SEZ6L: variants seen among roughly 807,000 people sequenced by gnomAD.
The protein encoded by SEZ6L is seizure related 6 homolog like, also known as seizure 6-like protein.
Under a neutral mutation model 106.2 loss-of-function variants are expected in SEZ6L, and 37 were observed. The observed-to-expected ratio is 0.35, with a 90% CI of 0.27 to 0.46. The LOEUF (loss-of-function observed/expected upper bound fraction) is 0.46, where lower values mean the gene tolerates loss of function less well. Ranked by LOEUF, SEZ6L falls within the 20% of genes least tolerant of loss-of-function variation. SEZ6L has a pLI of 1.00. For synonymous variants in SEZ6L, 541 were observed against 570.4 expected, an observed-to-expected ratio of 0.95 and a Z score of 0.73; for missense variants, 1,172 against 1,332.8, an observed-to-expected ratio of 0.88 and a Z score of 1.88.
chr22:26,369,869 A>G (rs1480629761), intron 13 of SEZ6L, among the ~76,000 whole-genome samples: 1 of 146,392 alleles, frequency 6.8e-6, no homozygotes. Flanking sequence ...TGTCCACCTC[A>G]GCCTCCCAAA....
chr22:26,174,117 C>G lies in SEZ6L; in HGVS notation c.94+4354C>G, dbSNP rs1292342129. On this transcript the variant is annotated intron_variant, in intron 1 of 16. Coordinates refer to ENST00000248933, the MANE Select transcript of SEZ6L (RefSeq NM_021115.5). ...AGAGACATCTGCAGGTAAACTACTACCATCCGTGCCATGTGGTAAGTTCTT... is the reference window on the plus strand; with the variant it reads ...AGAGACATCTGCAGGTAAACTACTAGCATCCGTGCCATGTGGTAAGTTCTT... 2.0e-5 allele frequency among the ~76,000 whole-genome samples: 3 copies of G among 152,160 alleles called. No individual in the cohort carries two copies. In the East Asian group the frequency reaches 5.8e-4, roughly 29 times the overall value.
intron 1 of SEZ6L, among the ~76,000 whole-genome samples, chr22:26,232,504 T>C (rs1452248134): frequency 6.6e-6 from 1 of 152,096 alleles, no homozygotes; most frequent in Non-Finnish European, 1.5e-5. Context: ...ATAACAACAT[T>C]TCAGTCAAGA....
chr22:26,192,293 C>T (rs1288618355), intron 1 of SEZ6L, among the ~76,000 whole-genome samples: 3 of 152,168 alleles, frequency 2.0e-5, no homozygotes, highest in African/African-American at 7.2e-5. Context: ...ATTTTAAGAC[C>T]TTGGTTTGAT....
rs532290863 is a variant in SEZ6L at position 26,232,986 on chromosome 22, G to A, written c.95-59420G>A. Among the ~76,000 whole-genome samples, 7 of 152,186 alleles carry A rather than the reference G, an allele frequency of 4.6e-5. No individual in the cohort carries two copies. In the South Asian group the frequency reaches 8.3e-4, roughly 18 times the overall value. On this transcript the variant is annotated intron_variant, in intron 1 of 16. Coordinates refer to ENST00000248933, the MANE Select transcript of SEZ6L (RefSeq NM_021115.5). ...CAGCTGTTAGACTCTGTCCTCCCCC[G>A]ACACACACACCCTTGTGTACTCAGC... is the stretch of plus-strand genomic sequence containing the variant.
chr22:26,370,092 A>G (rs2083975497), intron 13 of SEZ6L, among the ~76,000 whole-genome samples: 1 of 152,112 alleles, frequency 6.6e-6, no homozygotes, highest in Non-Finnish European at 1.5e-5. Context: ...TTTGTTTTTT[A>G]AGAAACCTTG....
rs1175508030 is a variant in SEZ6L, at chr22:26,292,572, G to T, written c.261G>T (p.Gly87=). The change falls in exon 2 of 17, where the codon GGG becomes GGT. Residue 87 remains glycine (G), a synonymous_variant. Transcript: ENST00000248933. ...AEVLGELVLD[G]TAPSAHHDIP... is the part of the protein sequence containing the mutation. ...TGCTGGGCGAGCTGGTGCTGGATGG[G>T]ACCGCACCCTCTGCACATCACGACA... 5 of 1,613,788 alleles carry T rather than the reference G, an allele frequency of 3.1e-6. No homozygotes were observed. Among genetic ancestry groups the T allele is most frequent in the Non-Finnish European group, 4.2e-6 (5 of 1,179,888 alleles).
chr22:26,347,972 T>A (rs1320212941), intron 11 of SEZ6L, 59 bp downstream of exon 11: 2 of 1,425,034 alleles, frequency 1.4e-6, no homozygotes, highest in Non-Finnish European at 1.9e-6. Context: ...CTTCTAGGGA[T>A]CTTTTTTTGG....
intron 1 of SEZ6L, among the ~76,000 whole-genome samples, chr22:26,184,388 C>T (rs1257490926): frequency 6.6e-6 from 1 of 152,162 alleles, no homozygotes; most frequent in East Asian, 1.9e-4. Flanking sequence ...AATGCTTCCA[C>T]GGCACCAGGC....
At chr22:26,363,792 C>G (rs536738892) in intron 12 of SEZ6L, among the ~76,000 whole-genome samples, 1 of 152,304 alleles carries the variant, frequency 6.6e-6, no homozygotes, top group African/African-American at 2.4e-5. Context: ...GAACGAAAAA[C>G]AAAGTGTGAC....
At chr22:26,251,917 A>G (rs2079605989) in intron 1 of SEZ6L, among the ~76,000 whole-genome samples, 1 of 152,012 alleles carries the variant, frequency 6.6e-6, no homozygotes, top group Non-Finnish European at 1.5e-5. Flanking sequence ...CTCCCCATGC[A>G]TCTCCCTGGA....
intron 1 of SEZ6L, among the ~76,000 whole-genome samples, chr22:26,281,990 C>A (rs1197308639): frequency 6.6e-6 from 1 of 152,220 alleles, no homozygotes; most frequent in Non-Finnish European, 1.5e-5. Flanking sequence ...ATTGATTTAA[C>A]CTTATTGATG....
At chr22:26,255,327 G>A (rs770689610) in intron 1 of SEZ6L, among the ~76,000 whole-genome samples, 25 of 152,282 alleles carry the variant, frequency 1.6e-4, no homozygotes, top group Middle Eastern at 3.4e-3. Flanking sequence ...CTTGAAGGAG[G>A]CCTAGAATAA....
intron 1 of SEZ6L, among the ~76,000 whole-genome samples, chr22:26,213,658 C>A (rs2078222648): frequency 6.6e-6 from 1 of 152,170 alleles, no homozygotes; most frequent in Admixed American, 6.5e-5. Flanking sequence ...CTGGACTAGG[C>A]AAAATTCTTA....
intron 9 of SEZ6L, among the ~76,000 whole-genome samples, chr22:26,320,612 T>C (rs1439989667): frequency 1.3e-5 from 2 of 152,318 alleles, no homozygotes; most frequent in Non-Finnish European, 1.5e-5. Flanking sequence ...GCAAGACAGA[T>C]GCAGCCCCGC....
chr22:26,349,678 T>G (rs138580228), intron 11 of SEZ6L, among the ~76,000 whole-genome samples: 288 of 152,316 alleles, frequency 1.9e-3, no homozygotes, highest in African/African-American at 6.7e-3. Flanking sequence ...TTTTTAAAAA[T>G]TTTTTGTAGA....
chr22:26,328,733 T>G (rs546781425), intron 9 of SEZ6L, among the ~76,000 whole-genome samples: 10 of 152,222 alleles, frequency 6.6e-5, no homozygotes, highest in Non-Finnish European at 1.3e-4. Flanking sequence ...TTTCCTACTC[T>G]TTTTCTCTTT....
At chr22:26,308,235 T>A (rs924286131) in intron 6 of SEZ6L, among the ~76,000 whole-genome samples, 32 of 151,810 alleles carry the variant, frequency 2.1e-4, no homozygotes, top group African/African-American at 6.8e-4. Context: ...GGAAGGAGAT[T>A]GGATAATGGA....
chr22:26,198,922 G>A (rs1178511961), intron 1 of SEZ6L, among the ~76,000 whole-genome samples: 3 of 152,220 alleles, frequency 2.0e-5, no homozygotes, highest in Non-Finnish European at 4.4e-5. Flanking sequence ...CCTTGTGGTT[G>A]GATGTGGCCA....
intron 5 of SEZ6L, among the ~76,000 whole-genome samples, chr22:26,303,996 C>T (rs1464244092): frequency 1.3e-5 from 2 of 152,146 alleles, no homozygotes; most frequent in African/African-American, 2.4e-5. Context: ...CTTCACATCC[C>T]TTCCTCCTGG....
Sources: allele counts gnomAD v4.1 joint callset (sites outside exome capture counted in the v4.1 genomes callset), GRCh38; gene constraint gnomAD v4.1.1; transcripts MANE v1.5; gene names NCBI Gene and HGNC (gene_info 2026-07-23, HGNC 2026-07-21).